ABLIM1: variants seen among roughly 807,000 people sequenced by gnomAD.
ABLIM1 encodes actin binding LIM protein 1, also known as actin-binding LIM protein 1.
A neutral mutation model predicts 107.0 loss-of-function variants in ABLIM1; 40 were observed. The observed-to-expected ratio is 0.37, with a 90% CI of 0.29 to 0.49. ABLIM1 has a LOEUF of 0.49. Among genes scored for constraint, ABLIM1 ranks in the 20% least tolerant of loss-of-function variants. The pLI is 0.97. For synonymous variants in ABLIM1, 357 were observed against 357.3 expected (o/e 1.00, Z 0.01); for missense variants, 857 against 1,008.5 (o/e 0.85, Z 2.04).
intron 14 of ABLIM1, among the ~76,000 whole-genome samples, chr10:114,450,319 C>A (rs946915950): frequency 6.6e-6 from 1 of 151,062 alleles, no homozygotes; most frequent in African/African-American, 2.4e-5. Context: ...AGAACCATTA[C>A]GATACATACA....
chr10:114,628,205 G>A (rs1566134454), intron 1 of ABLIM1, among the ~76,000 whole-genome samples: 1 of 152,082 alleles, frequency 6.6e-6, no homozygotes, highest in African/African-American at 2.4e-5. Flanking sequence ...AAAGAGAACT[G>A]TGACCAAGGT....
rs369371634 is a variant in ABLIM1, at chr10:114,707,931, C to CA, written c.-213+60129dup. ...CAAACAAACAAACAAACAACAACAA[C>CA]AACAAAAAACCTAATTACCAACAGT... On this transcript the variant is annotated intron_variant, in intron 1 of 15. Transcript: ENST00000651092. This position sits in a 1 kb window ranked among gnomAD's most constrained non-coding sequence, Gnocchi z 4.1. 3.9e-3 allele frequency among the ~76,000 whole-genome samples: 557 copies of CA among 143,788 alleles called. 2 individuals are homozygous for CA. The highest frequency in any genetic ancestry group is 6.1e-3 in the Non-Finnish European group (414 of 67,808). 94.3% of individuals were successfully genotyped at this position (143,788 alleles called of 152,430 possible). A position where few individuals can be genotyped will look rare whatever the true frequency, so the allele number is the denominator to read the frequency against.
chr10:114,745,356 T>C (rs902117625), intron 1 of ABLIM1, among the ~76,000 whole-genome samples: 3 of 151,480 alleles, frequency 2.0e-5, no homozygotes. Context: ...AGGTCAGGAG[T>C]TCAAGACCAG....
At chr10:114,503,356 T>G (rs2060685998) in intron 6 of ABLIM1, among the ~76,000 whole-genome samples, 1 of 151,612 alleles carries the variant, frequency 6.6e-6, no homozygotes, top group Non-Finnish European at 1.5e-5. Flanking sequence ...TAGGCTGAAG[T>G]GAGAGGATTG....
At chr10:114,745,244 G>C (rs970084522) in intron 1 of ABLIM1, among the ~76,000 whole-genome samples, 2 of 152,158 alleles carry the variant, frequency 1.3e-5, no homozygotes, top group Non-Finnish European at 2.9e-5. Context: ...CACGTAGTAA[G>C]GACTCCACAA....
intron 12 of ABLIM1, among the ~76,000 whole-genome samples, chr10:114,461,970 A>G (rs1160279815): frequency 3.3e-5 from 5 of 152,232 alleles, no homozygotes; most frequent in African/African-American, 1.2e-4. Context: ...TGATTGCTTC[A>G]ATAAGCAATA....
intron 3 of ABLIM1, among the ~76,000 whole-genome samples, chr10:114,572,535 C>A (rs1217032940): frequency 6.6e-6 from 1 of 152,164 alleles, no homozygotes; most frequent in Non-Finnish European, 1.5e-5. Context: ...GGTGTCCTCT[C>A]CACTTGTGAT....
chr10:114,611,487 T>G (rs1025842709), intron 1 of ABLIM1, among the ~76,000 whole-genome samples: 1 of 149,386 alleles, frequency 6.7e-6, no homozygotes, highest in African/African-American at 2.4e-5. Flanking sequence ...AAAAAAAAGA[T>G]ACTCTGATAC....
At chr10:114,567,254 A>G (rs577583434) in intron 4 of ABLIM1, among the ~76,000 whole-genome samples, 8 of 152,338 alleles carry the variant, frequency 5.3e-5, no homozygotes, top group Admixed American at 3.3e-4. Context: ...AATATCAGGG[A>G]CCGGAACATG....
intron 2 of ABLIM1, among the ~76,000 whole-genome samples, chr10:114,587,163 T>C (rs1282903155): frequency 6.6e-6 from 1 of 152,228 alleles, no homozygotes; most frequent in Non-Finnish European, 1.5e-5. Flanking sequence ...GGCTAATTCT[T>C]GAAAAATGTA....
intron 1 of ABLIM1, among the ~76,000 whole-genome samples, chr10:114,730,767 A>C (rs1283651500): frequency 6.6e-6 from 1 of 152,114 alleles, no homozygotes; most frequent in African/African-American, 2.4e-5. Flanking sequence ...TAATTCTGTA[A>C]TATTTCATCA....
intron 1 of ABLIM1, among the ~76,000 whole-genome samples, chr10:114,649,436 T>G (rs1453730707): frequency 1.3e-5 from 2 of 148,222 alleles, no homozygotes; most frequent in Non-Finnish European, 3.0e-5. Context: ...AATAAATAAA[T>G]AAATAAATAA....
At chr10:114,706,530 A>C (rs1485094188) in intron 1 of ABLIM1, among the ~76,000 whole-genome samples, 5 of 152,206 alleles carry the variant, frequency 3.3e-5, no homozygotes, top group Non-Finnish European at 7.3e-5. Context: ...AACAACTATA[A>C]ATCCCAGCAC....
At chr10:114,576,689 C>G (rs552759515) in intron 2 of ABLIM1, among the ~76,000 whole-genome samples, 52 of 152,258 alleles carry the variant, frequency 3.4e-4, no homozygotes, top group African/African-American at 1.2e-3. Flanking sequence ...TCAGTCAGGA[C>G]TCTTCACTAA....
intron 1 of ABLIM1, among the ~76,000 whole-genome samples, chr10:114,745,296 C>T (rs2082360740): frequency 1.3e-5 from 2 of 152,238 alleles, no homozygotes; most frequent in South Asian, 4.1e-4. Context: ...TGCAGTGGCT[C>T]ACGCCTGTAA....
the ABLIM1 span, among the ~76,000 whole-genome samples, chr10:114,788,989 A>G: frequency 7.9e-5 from 12 of 151,862 alleles, no homozygotes; most frequent in African/African-American, 2.9e-4. Flanking sequence ...AGGCACAGTG[A>G]CTCATGCCTG....
chr10:114,507,404 T>C (rs1317076969), intron 6 of ABLIM1, among the ~76,000 whole-genome samples: 4 of 152,182 alleles, frequency 2.6e-5, no homozygotes, highest in Admixed American at 1.3e-4. Context: ...GGCTTGGCAA[T>C]GCCCCAAATG....
chr10:114,760,386 A>G (rs1411865097), intron 1 of ABLIM1, among the ~76,000 whole-genome samples: 1 of 150,928 alleles, frequency 6.6e-6, no homozygotes, highest in Non-Finnish European at 1.5e-5. Flanking sequence ...CATTCTCAGC[A>G]AGAAGAAAAT....
At chr10:114,638,697 A>G (rs1021891556) in intron 1 of ABLIM1, among the ~76,000 whole-genome samples, 1 of 151,970 alleles carries the variant, frequency 6.6e-6, no homozygotes, top group East Asian at 1.9e-4. Context: ...GGTGCACTCA[A>G]TGTACATCAA....
Sources: allele counts gnomAD v4.1 joint callset (sites outside exome capture counted in the v4.1 genomes callset), GRCh38; gene constraint gnomAD v4.1.1; non-coding constraint Gnocchi (gnomAD v3.1); transcripts MANE v1.5; gene names NCBI Gene and HGNC (gene_info 2026-07-23, HGNC 2026-07-21).